PCDH15: variants seen among roughly 807,000 people sequenced by gnomAD.
The protein encoded by PCDH15 is protocadherin-15.
In PCDH15, 129 loss-of-function variants were observed where a neutral mutation model predicts 178.5. That is an observed-to-expected ratio of 0.72 (90% CI 0.63 to 0.84). PCDH15 has a LOEUF of 0.84. Among genes scored for constraint, PCDH15 ranks in the 40% least tolerant of loss-of-function variants. The pLI, the probability that PCDH15 is intolerant of heterozygous loss-of-function variation, is 0.00. For missense variants in PCDH15, 2,230 were observed against 2,099.9 expected, an observed-to-expected ratio of 1.06 and a Z score of -1.21; for synonymous variants, 800 against 732.0, an observed-to-expected ratio of 1.09 and a Z score of -1.50.
intron 10 of PCDH15, among the ~76,000 whole-genome samples, chr10:54,207,550 T>C (rs1591173793): frequency 6.6e-6 from 1 of 152,094 alleles, no homozygotes; most frequent in African/African-American, 2.4e-5. Flanking sequence ...TTCTACATCC[T>C]CTGTGATGTA....
Position 54,307,114 on chromosome 10 carries a change from A to G in PCDH15, c.876+10157T>C, listed in dbSNP as rs1362035872. Among the ~76,000 whole-genome samples the G allele has an allele frequency of 3.0e-3, 112 of 37,712 alleles. 13 individuals are homozygous for G. The highest frequency in any genetic ancestry group is 9.4e-3 in the East Asian group (8 of 854). The allele number at this position is 37,712 out of a possible 152,430, so 24.7% of individuals were successfully genotyped here. A position where few individuals can be genotyped will look rare whatever the true frequency, so the allele number is the denominator to read the frequency against. On this transcript the variant is annotated intron_variant, in intron 8 of 37. Coordinates refer to ENST00000644397, the MANE Select transcript of PCDH15 (RefSeq NM_001384140.1). ...TATATGTGTGTGTGTGTATATATAT[A>G]TATATATATATATATATATATATAT... is the stretch of plus-strand genomic sequence containing the variant.
chr10:54,268,346 C>G (rs2057827773), intron 8 of PCDH15, among the ~76,000 whole-genome samples: 1 of 151,884 alleles, frequency 6.6e-6, no homozygotes, highest in Non-Finnish European at 1.5e-5. Flanking sequence ...CTAAGAAACT[C>G]TTTTGGACAT....
intron 2 of PCDH15, among the ~76,000 whole-genome samples, chr10:55,407,189 G>A (rs903012039): frequency 3.3e-5 from 5 of 152,254 alleles, no homozygotes; most frequent in East Asian, 3.9e-4. Context: ...GAAGGCAACC[G>A]ACGTGCCAAG....
chr10:55,598,269 CT>C (rs1000845573), intron 2 of PCDH15, among the ~76,000 whole-genome samples: 3 of 151,674 alleles, frequency 2.0e-5, no homozygotes, highest in Non-Finnish European at 2.9e-5. Flanking sequence ...ACGAAAGGGA[CT>C]TTAATGTCCT....
At chr10:54,325,957 A>T (rs866943018) in intron 7 of PCDH15, among the ~76,000 whole-genome samples, 7 of 152,284 alleles carry the variant, frequency 4.6e-5, no homozygotes, top group Admixed American at 6.5e-5. Context: ...ATGTAAAAAA[A>T]ATGGAGGTAC....
rs181657534 is a variant in PCDH15, at chr10:54,628,985, C to G, written c.91+35187G>C. ...GCTCAAACAGGAAAGAATACACACA[C>G]ACACACAATTTTTTTGGTATGAGAT... On this transcript the variant is annotated intron_variant, in intron 2 of 37. Coordinates refer to ENST00000644397, the MANE Select transcript of PCDH15 (RefSeq NM_001384140.1). 5.8e-3 allele frequency among the ~76,000 whole-genome samples: 879 copies of G among 152,260 alleles called. 15 individuals are homozygous for G. Among genetic ancestry groups the G allele is most frequent in the African/African-American group, 0.02 (834 of 41,554 alleles).
At chr10:55,288,294 G>A (rs1468347561) in intron 1 of PCDH15, among the ~76,000 whole-genome samples, 4 of 150,926 alleles carry the variant, frequency 2.7e-5, no homozygotes, top group South Asian at 2.1e-4. Context: ...AAAATTAAAC[G>A]TATTGTAGGA....
intron 2 of PCDH15, among the ~76,000 whole-genome samples, chr10:55,514,407 T>C (rs934841152): frequency 1.3e-5 from 2 of 152,180 alleles, no homozygotes; most frequent in Non-Finnish European, 1.5e-5. Flanking sequence ...TCCGAAAGTT[T>C]GCTGAAAATC....
chr10:55,069,827 G>T (rs1224864488), intron 2 of PCDH15, among the ~76,000 whole-genome samples: 1 of 150,812 alleles, frequency 6.6e-6, no homozygotes, highest in Non-Finnish European at 1.5e-5. Context: ...GGTATTTCTA[G>T]TTCTAGATCC....
At chr10:55,578,648 A>C (rs1172093509) in intron 2 of PCDH15, among the ~76,000 whole-genome samples, 1 of 152,206 alleles carries the variant, frequency 6.6e-6, no homozygotes, top group Admixed American at 6.5e-5. Context: ...TCGTTCTCAC[A>C]CTGCTAATAA....
At chr10:55,383,386 G>T (rs2132004089) in intron 2 of PCDH15, among the ~76,000 whole-genome samples, 1 of 152,192 alleles carries the variant, frequency 6.6e-6, no homozygotes, top group Non-Finnish European at 1.5e-5. Context: ...TGAGGGGCAT[G>T]GCGGGCTGGG....
intron 15 of PCDH15, among the ~76,000 whole-genome samples, chr10:54,125,573 G>A (rs1290154639): frequency 6.6e-6 from 1 of 152,126 alleles, no homozygotes; most frequent in Admixed American, 6.5e-5. Flanking sequence ...AAGGGAATAA[G>A]GAAATTTCAT....
intron 1 of PCDH15, among the ~76,000 whole-genome samples, chr10:54,700,749 T>C (rs115064424): frequency 1.8e-3 from 274 of 152,160 alleles, no homozygotes; most frequent in African/African-American, 6.3e-3. Flanking sequence ...GGCATCCCTA[T>C]AGGAGAAAGA....
intron 3 of PCDH15, among the ~76,000 whole-genome samples, chr10:54,513,033 T>C (rs182986613): frequency 3.9e-5 from 6 of 152,128 alleles, no homozygotes; most frequent in African/African-American, 1.4e-4. Flanking sequence ...TAAAATAAAA[T>C]ATAATTTTAT....
chr10:55,097,143 C>T (rs946169608), intron 2 of PCDH15, among the ~76,000 whole-genome samples: 1 of 152,104 alleles, frequency 6.6e-6, no homozygotes, highest in Non-Finnish European at 1.5e-5. Flanking sequence ...CAGTACTCTA[C>T]TAAGCAAAGC....
chr10:54,467,410 A>T (rs1445351726), intron 3 of PCDH15, among the ~76,000 whole-genome samples: 3 of 151,842 alleles, frequency 2.0e-5, no homozygotes, highest in Non-Finnish European at 4.4e-5. Flanking sequence ...AGATGATGAT[A>T]AGATTTTGTC....
At chr10:54,865,812 T>C (rs1195210568) in intron 3 of PCDH15, among the ~76,000 whole-genome samples, 1 of 152,188 alleles carries the variant, frequency 6.6e-6, no homozygotes, top group East Asian at 1.9e-4. Context: ...AATCTAATGA[T>C]GTAATGTTTG....
intron 18 of PCDH15, among the ~76,000 whole-genome samples, chr10:54,032,421 T>G (rs1234048699): frequency 6.6e-6 from 1 of 152,022 alleles, no homozygotes; most frequent in Non-Finnish European, 1.5e-5. Flanking sequence ...CAATGCCTGC[T>G]TTATTTTTCT....
chr10:54,733,238 C>T (rs1943648312), intron 1 of PCDH15, among the ~76,000 whole-genome samples: 1 of 151,212 alleles, frequency 6.6e-6, no homozygotes, highest in Non-Finnish European at 1.5e-5. Context: ...TCTGAAATCT[C>T]AAAAATGAAA....
Sources: allele counts gnomAD v4.1 joint callset (sites outside exome capture counted in the v4.1 genomes callset), GRCh38; gene constraint gnomAD v4.1.1; transcripts MANE v1.5; gene names NCBI Gene and HGNC (gene_info 2026-07-23, HGNC 2026-07-21).